Variants in C20orf203 observed in about 807,000 individuals in gnomAD.
C20orf203 encodes uncharacterized protein C20orf203.
A neutral mutation model predicts 15.9 loss-of-function variants in C20orf203; 16 were observed. The ratio of observed to expected loss-of-function variants is 1.01; its 90% confidence interval spans 0.68 to 1.53. C20orf203 has a LOEUF of 1.53. Among genes scored for constraint, C20orf203 ranks in the 40% most tolerant of loss-of-function variants. The pLI is 0.00. For synonymous variants in C20orf203, 98 were observed against 97.2 expected (o/e 1.01, Z -0.05); for missense variants, 263 against 247.5 (o/e 1.06, Z -0.42).
chr20:32,667,065 T>C (rs1337573386), intron 1 of C20orf203, among the ~76,000 whole-genome samples: 1 of 151,770 alleles, frequency 6.6e-6, no homozygotes, highest in Non-Finnish European at 1.5e-5. Flanking sequence ...TGAGATCTGG[T>C]GTGTATTTTA....
intron 5 of C20orf203, among the ~76,000 whole-genome samples, chr20:32,636,472 A>G (rs530346824): frequency 1.3e-5 from 2 of 152,284 alleles, no homozygotes; most frequent in South Asian, 4.2e-4. Context: ...ATAACCTTGC[A>G]CAGCAAAGCG....
intron 5 of C20orf203, among the ~76,000 whole-genome samples, chr20:32,639,017 G>T (rs1187324287): frequency 6.6e-6 from 1 of 152,216 alleles, no homozygotes; most frequent in Non-Finnish European, 1.5e-5. Flanking sequence ...CGAGGTAGCT[G>T]CCCAAGCCAC....
Position 32,661,132 on chromosome 20 carries a change from A to G in C20orf203, c.-263-9151T>C, listed in dbSNP as rs73613790. Reference sequence around the variant, plus strand: ...GACCCACTGTGCGGGAGGCGGCAAGAAAGGAGGGCCTGCGTCACCAGCTCT... The same window carrying G: ...GACCCACTGTGCGGGAGGCGGCAAGGAAGGAGGGCCTGCGTCACCAGCTCT... On this transcript the variant is annotated intron_variant, in intron 1 of 5. Coordinates refer to ENST00000608990, the MANE Select transcript of C20orf203 (RefSeq NM_182584.4). Among the ~76,000 whole-genome samples the G allele has an allele frequency of 5.4e-4, 82 of 152,276 alleles. 1 individual carries two copies. In the East Asian group the frequency reaches 0.013, roughly 25 times the overall value.
intron 1 of C20orf203, among the ~76,000 whole-genome samples, chr20:32,669,795 A>C (rs1983119184): frequency 6.6e-6 from 1 of 152,256 alleles, no homozygotes; most frequent in Non-Finnish European, 1.5e-5. Flanking sequence ...AAAAGCAAAA[A>C]TAGACAAGAG....
At chr20:32,657,150 A>G in intron 1 of C20orf203, 1 of 153,156 alleles carries the variant, frequency 6.5e-6, no homozygotes. Context: ...GGAGTTCAGG[A>G]CCAGCCTGAG....
At chr20:32,638,655 A>C (rs904185364) in intron 5 of C20orf203, among the ~76,000 whole-genome samples, 1 of 152,220 alleles carries the variant, frequency 6.6e-6, no homozygotes, top group African/African-American at 2.4e-5. Flanking sequence ...AAACTGGAGG[A>C]CAGGAGGGAC....
At chr20:32,658,658 A>C (rs1982818161) in intron 1 of C20orf203, among the ~76,000 whole-genome samples, 1 of 152,176 alleles carries the variant, frequency 6.6e-6, no homozygotes, top group African/African-American at 2.4e-5. Context: ...GATAATAATC[A>C]CTTCTACAGA....
At chr20:32,636,949 G>A (rs1320487444) in intron 5 of C20orf203, among the ~76,000 whole-genome samples, 1 of 152,170 alleles carries the variant, frequency 6.6e-6, no homozygotes, top group African/African-American at 2.4e-5. Context: ...CACTGGGTGG[G>A]CAGGACATGT....
At chr20:32,664,053 G>A (rs80132268) in intron 1 of C20orf203, among the ~76,000 whole-genome samples, 2,677 of 152,320 alleles carry the variant, frequency 0.018, 87 homozygotes, top group African/African-American at 0.06. Flanking sequence ...GCTAGGGAGA[G>A]CTGGCCTTTG....
chr20:32,643,936 A>C (rs1415067175), intron 4 of C20orf203, among the ~76,000 whole-genome samples: 2 of 152,244 alleles, frequency 1.3e-5, no homozygotes, highest in East Asian at 1.9e-4. Context: ...CCATGAAAGC[A>C]TCATGGCCCT....
At chr20:32,637,942 G>A (rs1982182064) in intron 5 of C20orf203, among the ~76,000 whole-genome samples, 1 of 152,030 alleles carries the variant, frequency 6.6e-6, no homozygotes, top group Admixed American at 6.6e-5. Flanking sequence ...GCAGGTGCAT[G>A]TATGGGCGTG....
intron 5 of C20orf203, 27 bp from the exon 6 acceptor site, chr20:32,634,297 G>T (rs1982080293): frequency 2.5e-6 from 1 of 398,266 alleles, no homozygotes; most frequent in South Asian, 1.3e-4. Flanking sequence ...GAATTAGCAA[G>T]ACAGGCATTG....
intron 1 of C20orf203, among the ~76,000 whole-genome samples, chr20:32,661,049 A>T (rs1303336064): frequency 6.6e-6 from 1 of 152,172 alleles, no homozygotes; most frequent in Non-Finnish European, 1.5e-5. Flanking sequence ...GACACAGCCA[A>T]ACCATATCAA....
chr20:32,673,600 C>T (rs944565173), intron 1 of C20orf203, 32 bp downstream of exon 1: 2 of 152,656 alleles, frequency 1.3e-5, no homozygotes, highest in Non-Finnish European at 2.9e-5. Flanking sequence ...TCACCCCACA[C>T]TTTCAGCACA....
At chr20:32,653,506 T>G (rs1050289326) in intron 1 of C20orf203, among the ~76,000 whole-genome samples, 7 of 152,080 alleles carry the variant, frequency 4.6e-5, no homozygotes, top group Non-Finnish European at 1.5e-5. Flanking sequence ...TGGCAAGGGA[T>G]GGGGGACTAG....
chr20:32,650,995 G>C (rs1982604203), intron 3 of C20orf203, 23 bp downstream of exon 3: 1 of 1,462,992 alleles, frequency 6.8e-7, no homozygotes, highest in East Asian at 2.5e-5. Flanking sequence ...CCAGGTGTGG[G>C]AGACAGGGAC....
intron 1 of C20orf203, among the ~76,000 whole-genome samples, chr20:32,664,117 G>A (rs1416824315): frequency 6.6e-6 from 1 of 152,198 alleles, no homozygotes; most frequent in East Asian, 1.9e-4. Context: ...TGGGAGTGGA[G>A]CACCCAGCTG....
At chr20:32,642,668 A>AG (rs959178534) in intron 4 of C20orf203, among the ~76,000 whole-genome samples, 1 of 152,060 alleles carries the variant, frequency 6.6e-6, no homozygotes, top group African/African-American at 2.4e-5. Context: ...GGGGCTTGTA[A>AG]GGGGGGCAGC....
chr20:32,652,949 T>A (rs1384792093), intron 1 of C20orf203, among the ~76,000 whole-genome samples: 1 of 152,150 alleles, frequency 6.6e-6, no homozygotes, highest in African/African-American at 2.4e-5. Context: ...ACTCCCTTCC[T>A]GGAGATCAGA....
Sources: allele counts gnomAD v4.1 joint callset (sites outside exome capture counted in the v4.1 genomes callset), GRCh38; gene constraint gnomAD v4.1.1; transcripts MANE v1.5; gene names NCBI Gene and HGNC (gene_info 2026-07-23, HGNC 2026-07-21).